Variants in RAD51B observed in about 807,000 individuals in gnomAD.
The protein encoded by RAD51B is DNA repair protein RAD51 homolog 2.
A neutral mutation model predicts 42.2 loss-of-function variants in RAD51B; 38 were observed. The ratio of observed to expected loss-of-function variants is 0.90; its 90% confidence interval spans 0.70 to 1.18. The LOEUF is 1.18. Among genes scored for constraint, RAD51B ranks in the 50% most tolerant of loss-of-function variants. RAD51B has a pLI of 0.00. For synonymous variants in RAD51B, 154 were observed against 145.2 expected (o/e 1.06, Z -0.43); for missense variants, 373 against 400.7 (o/e 0.93, Z 0.59).
At chr14:68,390,839 A>G (rs1451082064) in intron 8 of RAD51B, among the ~76,000 whole-genome samples, 1 of 152,244 alleles carries the variant, frequency 6.6e-6, no homozygotes, top group Non-Finnish European at 1.5e-5. Flanking sequence ...ACTGAGATAC[A>G]TAGAGAAAGA....
intron 7 of RAD51B, among the ~76,000 whole-genome samples, chr14:68,127,951 C>T (rs2077806365): frequency 6.6e-6 from 1 of 152,086 alleles, no homozygotes; most frequent in African/African-American, 2.4e-5. Flanking sequence ...GCTGAGGTTC[C>T]TAGCATAGGG....
chr14:68,298,954 G>A (rs1328584577), intron 8 of RAD51B, among the ~76,000 whole-genome samples: 5 of 152,086 alleles, frequency 3.3e-5, no homozygotes, highest in Admixed American at 3.3e-4. Flanking sequence ...ATTTGGAAAA[G>A]GATCGTAACA....
intron 7 of RAD51B, among the ~76,000 whole-genome samples, chr14:68,246,001 G>A (rs1055751061): frequency 1.3e-5 from 2 of 152,162 alleles, no homozygotes; most frequent in Admixed American, 1.3e-4. Context: ...CAGGGCTGCT[G>A]TAAGCCAAGG....
At chr14:68,574,744 C>A (rs1479290479) in intron 10 of RAD51B, among the ~76,000 whole-genome samples, 1 of 152,228 alleles carries the variant, frequency 6.6e-6, no homozygotes, top group African/African-American at 2.4e-5. Context: ...CCTTCTCCAA[C>A]AGAAAATAGT....
downstream of RAD51B, among the ~76,000 whole-genome samples, chr14:68,598,368 G>A (rs186550716): frequency 6.6e-6 from 1 of 152,124 alleles, no homozygotes; most frequent in African/African-American, 2.4e-5. Context: ...CCCCCTCCAG[G>A]AACTCTCAGC....
At chr14:68,213,552 A>G (rs571537005) in intron 7 of RAD51B, among the ~76,000 whole-genome samples, 1 of 152,358 alleles carries the variant, frequency 6.6e-6, no homozygotes, top group African/African-American at 2.4e-5. Context: ...ATAGCAAGTA[A>G]TAAGGAAAAG....
At chr14:68,281,508 A>T (rs1363917107) in intron 7 of RAD51B, among the ~76,000 whole-genome samples, 5 of 152,188 alleles carry the variant, frequency 3.3e-5, no homozygotes, top group African/African-American at 1.2e-4. Context: ...ACTAGTAGGC[A>T]GTGGAGCTGA....
chr14:68,019,838 G>A (rs1417654058), intron 7 of RAD51B, among the ~76,000 whole-genome samples: 3 of 152,214 alleles, frequency 2.0e-5, no homozygotes, highest in African/African-American at 7.2e-5. Flanking sequence ...TTCAGCCATT[G>A]CATCAGTATT....
chr14:68,624,782 T>C (rs977407199), intron 10 of RAD51B, among the ~76,000 whole-genome samples: 1 of 152,180 alleles, frequency 6.6e-6, no homozygotes, highest in African/African-American at 2.4e-5. Context: ...CGTTCCTAAG[T>C]GAGACTTCTT....
chr14:68,285,831 G>A (rs1051487002), intron 7 of RAD51B, among the ~76,000 whole-genome samples: 31 of 152,092 alleles, frequency 2.0e-4, no homozygotes, highest in Non-Finnish European at 1.2e-4. Flanking sequence ...AAAACTTCCC[G>A]TGGGCGCCGG....
chr14:68,365,171 C>T (rs147756442), intron 8 of RAD51B, among the ~76,000 whole-genome samples: 9 of 152,288 alleles, frequency 5.9e-5, no homozygotes, highest in Non-Finnish European at 1.0e-4. Flanking sequence ...TGGGCCACCT[C>T]GGAATAGATC....
At chr14:68,081,906 T>A (rs2076917989) in intron 7 of RAD51B, among the ~76,000 whole-genome samples, 1 of 144,686 alleles carries the variant, frequency 6.9e-6, no homozygotes, top group African/African-American at 2.7e-5. Context: ...TAAATACTTA[T>A]TTTTTTTTCC....
chr14:68,316,031 C>G (rs529312259), intron 8 of RAD51B, among the ~76,000 whole-genome samples: 3 of 152,252 alleles, frequency 2.0e-5, no homozygotes, highest in East Asian at 1.9e-4. Context: ...GTTTATATAA[C>G]CTATTGTTCA....
chr14:68,037,291 G>A (rs967835232), intron 7 of RAD51B, among the ~76,000 whole-genome samples: 3 of 147,178 alleles, frequency 2.0e-5, no homozygotes, highest in Admixed American at 6.8e-5. Context: ...GCACGCTCTC[G>A]CTCACTGCAA....
intron 8 of RAD51B, among the ~76,000 whole-genome samples, chr14:68,325,539 T>C (rs991241591): frequency 1.2e-4 from 18 of 152,130 alleles, no homozygotes; most frequent in African/African-American, 4.3e-4. Context: ...GACTTATCTT[T>C]TGGTGTGTAG....
rs1192956219 is a variant in RAD51B at position 68,272,689 on chromosome 14, T to A, written c.757-19195T>A. Among the ~76,000 whole-genome samples, 11 of 57,438 alleles carry A rather than the reference T, an allele frequency of 1.9e-4. 1 individual carries two copies. In the East Asian group the frequency reaches 3.3e-3, roughly 17 times the overall value. 37.7% of individuals were successfully genotyped at this position (57,438 alleles called of 152,430 possible). ...TATTTTTTTTTTTTTTTTTTTTTTT[T>A]TTTTTTTTTTTTTTGAGATGGAGTC... On this transcript the variant is annotated intron_variant, in intron 7 of 10. Coordinates refer to ENST00000471583, the MANE Select transcript of RAD51B (RefSeq NM_133510.4).
chr14:68,509,000 C>T (rs1377888867), intron 10 of RAD51B, among the ~76,000 whole-genome samples: 5 of 152,216 alleles, frequency 3.3e-5, no homozygotes, highest in Admixed American at 2.6e-4. Context: ...GTCTCTGCCC[C>T]GCTAGCCTAG....
intron 10 of RAD51B, among the ~76,000 whole-genome samples, chr14:68,608,356 C>A (rs138540563): frequency 6.6e-6 from 1 of 152,292 alleles, no homozygotes; most frequent in African/African-American, 2.4e-5. Flanking sequence ...GAGGGCCTGT[C>A]CCCCACCACC....
intron 10 of RAD51B, among the ~76,000 whole-genome samples, chr14:68,642,420 T>C (rs962010041): frequency 9.9e-5 from 15 of 152,210 alleles, no homozygotes; most frequent in Non-Finnish European, 1.8e-4. Flanking sequence ...ATTTCTTCAT[T>C]ATCCTTTTAA....
Sources: gnomAD v4.1 joint callset for allele counts (sites outside exome capture counted in the v4.1 genomes callset) on GRCh38, gnomAD v4.1.1 for gene constraint, MANE v1.5 for transcripts, NCBI Gene and HGNC (gene_info 2026-07-23, HGNC 2026-07-21) for gene names.